The following CSMD1 variants were observed in gnomAD, a reference collection of about 807,000 sequenced individuals.
CSMD1 encodes CUB and sushi domain-containing protein 1.
In CSMD1, 213 loss-of-function variants were observed where a neutral mutation model predicts 417.5. The observed-to-expected ratio is 0.51, with a 90% CI of 0.46 to 0.57. The LOEUF (loss-of-function observed/expected upper bound fraction) is 0.57, where lower values mean the gene tolerates loss of function less well. Among genes scored for constraint, CSMD1 ranks in the 20% least tolerant of loss-of-function variants. The probability of loss-of-function intolerance (pLI) is 0.00; values close to 1 mark genes in which losing one functional copy is unlikely to be tolerated. For missense variants in CSMD1, 6,923 were observed against 4,529.7 expected (o/e 1.53, Z -15.17); for synonymous variants, 2,862 against 1,736.8 (o/e 1.65, Z -16.11).
In CSMD1 at chr8:3,214,707, A is replaced by T; in HGVS notation, c.4673-16T>A. On this transcript the variant is annotated splice_polypyrimidine_tract_variant and intron_variant, in intron 29 of 69. Coordinates refer to ENST00000635120, the MANE Select transcript of CSMD1 (RefSeq NM_033225.6). The stretch of plus-strand genomic sequence containing the variant: ...CGTGGTTTCTCTGTGGAAGAAATGA[A>T]TGTAAACTGCATGAGAGCAGGGATC... 6.5e-7 allele frequency: 1 copy of T among 1,540,684 alleles called. No homozygotes were observed. The highest frequency in any genetic ancestry group is 1.2e-5 in the South Asian group (1 of 82,800).
intron 3 of CSMD1, among the ~76,000 whole-genome samples, chr8:4,331,813 C>G (rs1042572945): frequency 6.6e-6 from 1 of 152,076 alleles, no homozygotes; most frequent in Non-Finnish European, 1.5e-5. Flanking sequence ...ATTTTTCCTC[C>G]AAGCAAATAA....
chr8:4,098,284 G>A (rs1451980310), intron 3 of CSMD1, among the ~76,000 whole-genome samples: 1 of 152,006 alleles, frequency 6.6e-6, no homozygotes, highest in Non-Finnish European at 1.5e-5. Flanking sequence ...CAGAACAAAA[G>A]GCAAGTAATT....
At chr8:3,582,525 T>C (rs2116980052) in intron 9 of CSMD1, among the ~76,000 whole-genome samples, 1 of 152,228 alleles carries the variant, frequency 6.6e-6, no homozygotes. Context: ...AGGGTGTTGA[T>C]GGTTTTTCAT....
intron 3 of CSMD1, among the ~76,000 whole-genome samples, chr8:4,267,919 C>G (rs1327013295): frequency 6.6e-6 from 1 of 152,038 alleles, no homozygotes; most frequent in African/African-American, 2.4e-5. Context: ...AAATAGGACT[C>G]ACTTATTCAT....
intron 3 of CSMD1, among the ~76,000 whole-genome samples, chr8:4,293,205 G>A (rs1189479639): frequency 6.6e-6 from 1 of 152,144 alleles, no homozygotes; most frequent in Non-Finnish European, 1.5e-5. Context: ...GAGGAAGAGA[G>A]CCCAATGATG....
chr8:3,779,891 T>C (rs950924651), intron 5 of CSMD1, among the ~76,000 whole-genome samples: 3 of 152,314 alleles, frequency 2.0e-5, no homozygotes, highest in African/African-American at 7.2e-5. Context: ...CATTTATTTT[T>C]TTCTCTCATG....
chr8:4,125,346 G>T (rs1416355441), intron 3 of CSMD1, among the ~76,000 whole-genome samples: 2 of 152,192 alleles, frequency 1.3e-5, no homozygotes, highest in South Asian at 2.1e-4. Context: ...GCAACTGTTT[G>T]TCTCTCACCT....
At chr8:3,973,628 C>T (rs1048735348) in intron 5 of CSMD1, among the ~76,000 whole-genome samples, 1 of 152,072 alleles carries the variant, frequency 6.6e-6, no homozygotes, top group African/African-American at 2.4e-5. Flanking sequence ...GTGATGCTTC[C>T]TGATTGTCAT....
At chr8:3,676,001 A>T (rs1304725608) in intron 7 of CSMD1, among the ~76,000 whole-genome samples, 2 of 152,150 alleles carry the variant, frequency 1.3e-5, no homozygotes, top group Non-Finnish European at 2.9e-5. Flanking sequence ...GTAATAGTTT[A>T]CTGGTTTGGC....
chr8:3,968,269 A>C (rs1453602451), intron 5 of CSMD1, among the ~76,000 whole-genome samples: 1 of 152,022 alleles, frequency 6.6e-6, no homozygotes, highest in Non-Finnish European at 1.5e-5. Context: ...TTCCAGGTAT[A>C]GGTAGTATGA....
intron 10 of CSMD1, among the ~76,000 whole-genome samples, chr8:3,552,917 C>T (rs763105551): frequency 1.3e-4 from 20 of 151,848 alleles, no homozygotes; most frequent in Non-Finnish European, 1.5e-5. Flanking sequence ...TAATGGAGAT[C>T]GGAAATCTGT....
intron 5 of CSMD1, among the ~76,000 whole-genome samples, chr8:3,914,529 A>C (rs964435890): frequency 3.9e-5 from 6 of 152,202 alleles, no homozygotes; most frequent in African/African-American, 1.4e-4. Context: ...TGTAGCTCCT[A>C]ACTAAAGTAT....
At chr8:4,794,216 C>A (rs771194805) in intron 1 of CSMD1, among the ~76,000 whole-genome samples, 33 of 142,686 alleles carry the variant, frequency 2.3e-4, no homozygotes, top group Non-Finnish European at 4.4e-4. Flanking sequence ...TCACTTGGAT[C>A]ATTTTTATCA....
At chr8:4,301,637 G>C (rs199679914) in intron 3 of CSMD1, among the ~76,000 whole-genome samples, 31 of 152,318 alleles carry the variant, frequency 2.0e-4, no homozygotes, top group East Asian at 7.7e-4. Flanking sequence ...GGCACTGGCT[G>C]TTTTCTGCTG....
At chr8:3,073,882 T>C (rs1870614) in intron 49 of CSMD1, among the ~76,000 whole-genome samples, 92,314 of 152,000 alleles carry the variant, frequency 0.61, 28,315 homozygotes, top group Non-Finnish European at 0.62. Context: ...TTTTGACTGT[T>C]AGATGTGCAA....
intron 17 of CSMD1, among the ~76,000 whole-genome samples, chr8:3,391,069 A>G (rs143152222): frequency 6.6e-6 from 1 of 152,298 alleles, no homozygotes; most frequent in African/African-American, 2.4e-5. Context: ...GAGTGTTAGC[A>G]TGCATGGGCA....
chr8:4,440,875 T>C (rs1483201674), intron 2 of CSMD1, among the ~76,000 whole-genome samples: 2 of 151,472 alleles, frequency 1.3e-5, no homozygotes, highest in African/African-American at 4.9e-5. Flanking sequence ...TGAATGCCTA[T>C]AGTCCCAGCT....
chr8:4,433,039 A>G (rs1563167522), intron 2 of CSMD1, among the ~76,000 whole-genome samples: 1 of 152,098 alleles, frequency 6.6e-6, no homozygotes, highest in Non-Finnish European at 1.5e-5. Flanking sequence ...AACTACGTAT[A>G]TGAGGGATCG....
intron 3 of CSMD1, among the ~76,000 whole-genome samples, chr8:4,174,227 C>A (rs549371490): frequency 1.3e-5 from 2 of 152,232 alleles, no homozygotes; most frequent in South Asian, 4.1e-4. Context: ...AGGACACCGT[C>A]TTGAAAGCAA....
Sources: allele counts gnomAD v4.1 joint callset (sites outside exome capture counted in the v4.1 genomes callset), GRCh38; gene constraint gnomAD v4.1.1; transcripts MANE v1.5; gene names NCBI Gene and HGNC (gene_info 2026-07-23, HGNC 2026-07-21).